Variants in DCBLD1 observed in about 807,000 individuals in gnomAD.
DCBLD1 encodes the protein discoidin, CUB and LCCL domain-containing protein 1.
Under a neutral mutation model 71.5 loss-of-function variants are expected in DCBLD1, and 57 were observed. The observed-to-expected ratio is 0.80, with a 90% CI of 0.64 to 0.99. The LOEUF is 0.99. DCBLD1 is among the 50% of genes least tolerant of loss of function. DCBLD1 has a pLI of 0.00. For missense variants in DCBLD1, 891 were observed against 923.5 expected, an observed-to-expected ratio of 0.96 and a Z score of 0.46; for synonymous variants, 380 against 363.8, an observed-to-expected ratio of 1.04 and a Z score of -0.51.
chr6:117,499,001 T>G (rs1582972414), intron 1 of DCBLD1, among the ~76,000 whole-genome samples: 1 of 152,160 alleles, frequency 6.6e-6, no homozygotes, highest in South Asian at 2.1e-4. Context: ...AAATCTAAAA[T>G]AAACACTTTT....
chr6:117,559,211 C>T (rs1779537910), intron 14 of DCBLD1, among the ~76,000 whole-genome samples: 1 of 152,028 alleles, frequency 6.6e-6, no homozygotes, highest in African/African-American at 2.4e-5. Flanking sequence ...ACGCCAACAC[C>T]AAAAAGGGAT....
At chr6:117,555,883 T>C (rs556813773) in intron 14 of DCBLD1, among the ~76,000 whole-genome samples, 3 of 152,320 alleles carry the variant, frequency 2.0e-5, no homozygotes, top group Admixed American at 1.3e-4. Context: ...ATTTTATCTA[T>C]ATTTCCCCTT....
chr6:117,494,101 A>G (rs1032331324), intron 1 of DCBLD1, among the ~76,000 whole-genome samples: 6 of 152,188 alleles, frequency 3.9e-5, no homozygotes, highest in African/African-American at 1.4e-4. Flanking sequence ...TTTACAATGA[A>G]TGTTTGGTAA....
At chr6:117,501,742 GCA>G (rs1165538860) in intron 1 of DCBLD1, among the ~76,000 whole-genome samples, 4 of 152,196 alleles carry the variant, frequency 2.6e-5, no homozygotes, top group Non-Finnish European at 5.9e-5. Context: ...GTGTGCTCCT[GCA>G]CACTATGCTT....
intron 9 of DCBLD1, 88 bp downstream of exon 9, chr6:117,539,467 T>G: frequency 7.0e-7 from 1 of 1,427,004 alleles, no homozygotes; most frequent in Non-Finnish European, 9.3e-7. Flanking sequence ...AAATATCTCA[T>G]TAATAAAAGA....
intron 5 of DCBLD1, among the ~76,000 whole-genome samples, chr6:117,526,728 C>G (rs886848792): frequency 1.2e-4 from 19 of 152,212 alleles, no homozygotes; most frequent in African/African-American, 4.3e-4. Flanking sequence ...GAAAGCTACT[C>G]TCTTCAAAGA....
chr6:117,530,919 T>G (rs1778697508), intron 5 of DCBLD1, among the ~76,000 whole-genome samples: 1 of 152,166 alleles, frequency 6.6e-6, no homozygotes, highest in South Asian at 2.1e-4. Context: ...TCCTCCAAGA[T>G]TAGGGAGGGT....
chr6:117,509,416 C>T (rs1359665043), intron 2 of DCBLD1, among the ~76,000 whole-genome samples: 2 of 152,076 alleles, frequency 1.3e-5, no homozygotes, highest in East Asian at 1.9e-4. Flanking sequence ...GAGTGACAGA[C>T]GGAGACACTG....
rs150967641 is a variant in DCBLD1, at chr6:117,541,719, C to T, written c.1357+694C>T. Among the ~76,000 whole-genome samples the T allele has an allele frequency of 2.6e-5, 4 of 152,058 alleles. No individual in the cohort carries two copies. The East Asian group carries it at 7.7e-4, about 29-fold the overall frequency. ...CAAAAATTAGTCATAAATCAGTATC[C>T]GTAGATAATCACCAAATCTCACTGT... On this transcript the variant is annotated intron_variant, in intron 11 of 14. Coordinates refer to ENST00000338728, the MANE Select transcript of DCBLD1 (RefSeq NM_001366458.2).
In DCBLD1 at chr6:117,538,936, C is replaced by T; in HGVS notation, c.976+101C>T. ...TATTGTTTACATAGGTGCTTCTCTA[C>T]CTACCTCCAAGTTCTTGAAATATTT... On this transcript the variant is annotated intron_variant, in intron 8 of 14. Coordinates refer to ENST00000338728, the MANE Select transcript of DCBLD1 (RefSeq NM_001366458.2). The T allele has an allele frequency of 2.5e-6, 3 of 1,199,038 alleles. No homozygotes were observed. The South Asian group carries it at 4.6e-5, about 19-fold the overall frequency. The allele number at this position is 1,199,038 out of a possible 1,614,324, so 74.3% of individuals were successfully genotyped here. A position where few individuals can be genotyped will look rare whatever the true frequency, so the allele number is the denominator to read the frequency against.
chr6:117,495,848 C>T (rs1582968108), intron 1 of DCBLD1, among the ~76,000 whole-genome samples: 1 of 152,276 alleles, frequency 6.6e-6, no homozygotes, highest in East Asian at 1.9e-4. Flanking sequence ...AATTATGAAT[C>T]TTTTAAATAT....
At chr6:117,489,414 G>T (rs748052861) in intron 1 of DCBLD1, among the ~76,000 whole-genome samples, 1 of 152,174 alleles carries the variant, frequency 6.6e-6, no homozygotes, top group African/African-American at 2.4e-5. Flanking sequence ...TCCAACATGA[G>T]ATCTGGAGGG....
intron 2 of DCBLD1, among the ~76,000 whole-genome samples, chr6:117,511,230 C>T (rs1000515419): frequency 3.3e-5 from 5 of 152,200 alleles, no homozygotes; most frequent in Non-Finnish European, 7.3e-5. Context: ...CCAGGCCTCT[C>T]CACAGGAGTA....
chr6:117,548,042 C>T lies in DCBLD1; in HGVS notation c.1751C>T (p.Ala584Val). ...GGCCACTATGACTGCCCGCAGCGGGCCGGCCGCCACGAGTACGCGCTGCCC... is the reference window on the plus strand; with the variant it reads ...GGCCACTATGACTGCCCGCAGCGGGTCGGCCGCCACGAGTACGCGCTGCCC... The part of the protein sequence containing the change: ...AGGHYDCPQR[A>V]GRHEYALPLA... The change falls in exon 15 of 15, where the codon GCC becomes GTC. Residue 584 changes from alanine (A) to valine (V), a missense_variant. Coordinates refer to ENST00000338728, the MANE Select transcript of DCBLD1 (RefSeq NM_001366458.2). The T allele has an allele frequency of 6.5e-7, 1 of 1,549,276 alleles. No homozygotes were observed. Among genetic ancestry groups the T allele is most frequent in the Non-Finnish European group, 8.7e-7 (1 of 1,146,272 alleles).
intron 2 of DCBLD1, 21 bp from the exon 3 acceptor site, chr6:117,519,795 A>G (rs779415401): frequency 3.1e-6 from 5 of 1,597,830 alleles, no homozygotes; most frequent in East Asian, 4.5e-5. Context: ...GAAATGTGCC[A>G]CAAGTGTGCT....
At chr6:117,563,478 T>C (rs1779628934) in intron 14 of DCBLD1, 16 of 1,212,126 alleles carry the variant, frequency 1.3e-5, no homozygotes, top group East Asian at 2.3e-5. Flanking sequence ...TCCCAGCACT[T>C]TGAGAGGCCA....
intron 2 of DCBLD1, among the ~76,000 whole-genome samples, chr6:117,505,245 C>T (rs1302830940): frequency 6.6e-6 from 1 of 152,134 alleles, no homozygotes; most frequent in African/African-American, 2.4e-5. Flanking sequence ...TCCAGGGATG[C>T]TGAAGGCCCC....
chr6:117,529,246 A>T (rs1279044346), intron 5 of DCBLD1, among the ~76,000 whole-genome samples: 2 of 151,576 alleles, frequency 1.3e-5, no homozygotes, highest in Non-Finnish European at 2.9e-5. Context: ...CTATATTTTC[A>T]CAAATCAGGT....
rs920531359 is a variant in DCBLD1 at position 117,566,881 on chromosome 6, T to G, written c.1616-2739T>G. The stretch of plus-strand genomic sequence containing the variant: ...TGTAATACTTTGATTTCCCCACTTG[T>G]GTCTTTGCAACTAGCACCAGGGTTA... On this transcript the variant is annotated intron_variant, in intron 14 of 14. Transcript: ENST00000296955. 3.1e-6 allele frequency: 5 copies of G among 1,589,076 alleles called. No homozygotes were observed. In the African/African-American group the frequency reaches 6.8e-5, roughly 21 times the overall value.
Sources: allele counts gnomAD v4.1 joint callset (sites outside exome capture counted in the v4.1 genomes callset), GRCh38; gene constraint gnomAD v4.1.1; transcripts MANE v1.5; gene names NCBI Gene and HGNC (gene_info 2026-07-23, HGNC 2026-07-21).